UGT2B4: variants seen among roughly 807,000 people sequenced by gnomAD.
The protein encoded by UGT2B4 is UDP glucuronosyltransferase family 2 member B4.
UGT2B4 carries 49 observed loss-of-function variants against 49.8 expected under a neutral mutation model. The ratio of observed to expected loss-of-function variants is 0.98; its 90% CI spans 0.78 to 1.25. UGT2B4 has a LOEUF of 1.25. Among genes scored for constraint, UGT2B4 ranks in the 50% most tolerant of loss-of-function variants. UGT2B4 has a pLI of 0.00. For missense variants in UGT2B4, 729 were observed against 627.7 expected (o/e 1.16, Z -1.73); for synonymous variants, 246 against 217.7 (o/e 1.13, Z -1.14).
chr4:69,493,955 TG>T, intron 1 of UGT2B4, 114 bp from the exon 2 acceptor site: 1 of 1,173,886 alleles, frequency 8.5e-7, no homozygotes, highest in South Asian at 1.7e-5. Flanking sequence ...GTTTGTGCCT[TG>T]AAAAAAAATA....
At chr4:69,502,785 A>C (rs549590075) in intron 1 of UGT2B4, among the ~76,000 whole-genome samples, 3 of 152,224 alleles carry the variant, frequency 2.0e-5, no homozygotes, top group Admixed American at 2.0e-4. Context: ...CTACCAAAGG[A>C]TCAAAGACCC....
chr4:69,500,730 C>A (rs191492919), upstream of UGT2B4, among the ~76,000 whole-genome samples: 27 of 152,052 alleles, frequency 1.8e-4, no homozygotes, highest in Admixed American at 1.6e-3. Flanking sequence ...CAGAGCCAAG[C>A]AAACATCCCT....
intron 1 of UGT2B4, among the ~76,000 whole-genome samples, chr4:69,510,244 A>G (rs1466233577): frequency 3.3e-5 from 5 of 152,276 alleles, no homozygotes; most frequent in East Asian, 1.9e-4. Context: ...GACTATATTA[A>G]TTATTGTAGC....
At chr4:69,480,956 TGGCCAGGCACGGA>T in intron 5 of UGT2B4, 46 bp from the exon 6 acceptor site, 2 of 1,595,750 alleles carry the variant, frequency 1.3e-6, no homozygotes, top group Non-Finnish European at 1.7e-6. Flanking sequence ...TAAGTTAATT[TGGCCAGGCACGGA>T]GGCTCACACC....
At chr4:69,481,730 T>C (rs960179670) in intron 5 of UGT2B4, among the ~76,000 whole-genome samples, 6 of 152,176 alleles carry the variant, frequency 3.9e-5, no homozygotes, top group Admixed American at 3.9e-4. Flanking sequence ...CATGAGCCGT[T>C]TTAAGTGGTA....
intron 1 of UGT2B4, among the ~76,000 whole-genome samples, chr4:69,509,567 C>A (rs1040806759): frequency 1.3e-5 from 2 of 152,134 alleles, no homozygotes; most frequent in East Asian, 3.8e-4. Context: ...TATATCATCA[C>A]GGTTCAGATT....
intron 5 of UGT2B4, among the ~76,000 whole-genome samples, chr4:69,483,419 T>C (rs1055210954): frequency 3.3e-5 from 5 of 152,174 alleles, no homozygotes; most frequent in Non-Finnish European, 5.9e-5. Flanking sequence ...AACATTACAA[T>C]TGTTAATTGT....
At chr4:69,508,661 C>T (rs1728532452) in intron 1 of UGT2B4, among the ~76,000 whole-genome samples, 1 of 152,120 alleles carries the variant, frequency 6.6e-6, no homozygotes, top group African/African-American at 2.4e-5. Flanking sequence ...GATGAGAACA[C>T]ATGGACACAT....
chr4:69,524,848 G>C (rs1333651615), intron 1 of UGT2B4, among the ~76,000 whole-genome samples: 1 of 152,162 alleles, frequency 6.6e-6, no homozygotes, highest in African/African-American at 2.4e-5. Flanking sequence ...CCTCTATGGA[G>C]CAATCAGAAA....
Position 69,480,349 on chromosome 4 carries a change from TAACC to T in UGT2B4, c.*281_*284del. On this transcript the variant is annotated 3_prime_UTR_variant, in exon 6 of 6. Coordinates refer to ENST00000305107, the MANE Select transcript of UGT2B4 (RefSeq NM_021139.3). ...TAAGCTTAGTAAATTTTTTTTCATGTAACCTGTGAATTGGAACAATAAATTTCAA... is the reference window on the plus strand; with the variant it reads ...TAAGCTTAGTAAATTTTTTTTCATGTTGTGAATTGGAACAATAAATTTCAA... The T allele has an allele frequency of 6.4e-6, 2 of 313,396 alleles. No individual in the cohort carries two copies. The highest frequency in any genetic ancestry group is 1.2e-5 in the Non-Finnish European group (2 of 172,296). 19.4% of individuals were successfully genotyped at this position (313,396 alleles called of 1,614,324 possible).
chr4:69,498,995 A>G (rs1728234189), upstream of UGT2B4, among the ~76,000 whole-genome samples: 1 of 151,878 alleles, frequency 6.6e-6, no homozygotes, highest in African/African-American at 2.4e-5. Context: ...TTGATGTGGG[A>G]ATTTAGTCCT....
At chr4:69,501,482 A>G (rs1340199276) in intron 1 of UGT2B4, among the ~76,000 whole-genome samples, 2 of 151,976 alleles carry the variant, frequency 1.3e-5, no homozygotes, top group African/African-American at 4.8e-5. Flanking sequence ...GCGACTTAGC[A>G]ATTTCAACTT....
At chr4:69,488,743 A>G (rs1401127611) in intron 3 of UGT2B4, among the ~76,000 whole-genome samples, 3 of 151,914 alleles carry the variant, frequency 2.0e-5, no homozygotes, top group African/African-American at 7.3e-5. Context: ...GTCCACCCTC[A>G]GAGCAGGATC....
exon 1 of UGT2B4, chr4:69,525,719 G>C (rs547866345): frequency 1.5e-4 from 196 of 1,277,766 alleles, no homozygotes; most frequent in Non-Finnish European, 1.2e-4. Context: ...ATGTAAGAGA[G>C]CAAAAAACAT....
upstream of UGT2B4, among the ~76,000 whole-genome samples, chr4:69,500,665 GAAA>G (rs1560438446): frequency 2.6e-5 from 3 of 116,728 alleles, no homozygotes; most frequent in African/African-American, 7.9e-5. Context: ...AAGAAAGAAA[GAAA>G]GGAAGGAAAG....
upstream of UGT2B4, among the ~76,000 whole-genome samples, chr4:69,498,397 C>T (rs1728220883): frequency 6.6e-6 from 1 of 152,038 alleles, no homozygotes; most frequent in African/African-American, 2.4e-5. Flanking sequence ...AAATACAGCA[C>T]CTTCAGCTGA....
At chr4:69,525,528 A>C (rs10011713) in intron 1 of UGT2B4, among the ~76,000 whole-genome samples, 53,432 of 151,952 alleles carry the variant, frequency 0.35, 9,482 homozygotes, top group Non-Finnish European at 0.37. Context: ...TTTAATAAGT[A>C]TTTTCCATAT....
At chr4:69,491,934 G>A (rs1056566516) in intron 2 of UGT2B4, among the ~76,000 whole-genome samples, 1 of 151,970 alleles carries the variant, frequency 6.6e-6, no homozygotes, top group Non-Finnish European at 1.5e-5. Flanking sequence ...CTGTTAATAA[G>A]GAGGTAGGCA....
Position 69,495,687 on chromosome 4 carries a change from A to G in UGT2B4, c.175T>C (p.Ser59Pro). Residue 59 changes from serine to proline, a missense_variant, in exon 1 of 6, where the codon TCA (serine) becomes CCA (proline). By Grantham distance (74) the Ser-to-Pro change is moderately conservative. Coordinates refer to ENST00000305107, the MANE Select transcript of UGT2B4 (RefSeq NM_021139.3). ...RGHEVTVLASSASISFDPNSP... is the reference protein window; with the variant it reads ...RGHEVTVLASPASISFDPNSP... ...TTGGGATCGAAAGAAATGGAAGCTG[A>G]AGATGCCAATACAGTCACCTCATGA... The G allele has an allele frequency of 6.2e-7, 1 of 1,614,098 alleles. No homozygotes were observed. Among genetic ancestry groups the G allele is most frequent in the Non-Finnish European group, 8.5e-7 (1 of 1,179,980 alleles).
Sources: allele counts gnomAD v4.1 joint callset (sites outside exome capture counted in the v4.1 genomes callset), GRCh38; gene constraint gnomAD v4.1.1; transcripts MANE v1.5; gene names NCBI Gene and HGNC (gene_info 2026-07-23, HGNC 2026-07-21).